ESR1: variants seen among roughly 807,000 people sequenced by gnomAD.
The protein encoded by ESR1 is estrogen receptor 1.
ESR1 carries 12 observed loss-of-function variants against 52.7 expected under a neutral mutation model. That is an observed-to-expected ratio of 0.23 (90% confidence interval 0.15 to 0.37). ESR1 has a LOEUF of 0.37. Ranked by LOEUF, ESR1 falls within the 10% of genes least tolerant of loss-of-function variation. The pLI is 1.00. For synonymous variants in ESR1, 305 were observed against 316.8 expected (o/e 0.96, Z 0.39); for missense variants, 584 against 779.7 (o/e 0.75, Z 2.99).
upstream of ESR1, chr6:151,805,911 A>C (rs1290905861): frequency 2.0e-5 from 3 of 152,168 alleles, no homozygotes; most frequent in Admixed American, 6.5e-5. Flanking sequence ...TAGCAGGGAG[A>C]TGAGGATTGC....
chr6:151,865,705 A>G (rs2128297247), intron 2 of ESR1, among the ~76,000 whole-genome samples: 1 of 152,324 alleles, frequency 6.6e-6, no homozygotes, highest in Non-Finnish European at 1.5e-5. Flanking sequence ...AACAACAGAT[A>G]CATCTCTTTC....
At chr6:151,893,900 C>A (rs1795068191) in intron 3 of ESR1, among the ~76,000 whole-genome samples, 1 of 152,120 alleles carries the variant, frequency 6.6e-6, no homozygotes, top group Non-Finnish European at 1.5e-5. Flanking sequence ...TAATTTTGAA[C>A]CTATCCTGGT....
chr6:151,788,935 G>C (rs531567001), intron 2 of ESR1, among the ~76,000 whole-genome samples: 1 of 152,254 alleles, frequency 6.6e-6, no homozygotes, highest in African/African-American at 2.4e-5. Flanking sequence ...AGGAATAACA[G>C]ACACTGGGGC....
chr6:151,865,844 C>T (rs112242266), intron 2 of ESR1, among the ~76,000 whole-genome samples: 30 of 152,258 alleles, frequency 2.0e-4, no homozygotes, highest in African/African-American at 5.5e-4. Context: ...TAGATTTTTC[C>T]GGGCTCTCTT....
chr6:151,763,165 C>T (rs946410056), intron 2 of ESR1, among the ~76,000 whole-genome samples: 4 of 151,852 alleles, frequency 2.6e-5, no homozygotes, highest in African/African-American at 9.7e-5. Context: ...CTAGAAAACA[C>T]ACCTATGTAA....
intron 1 of ESR1, among the ~76,000 whole-genome samples, chr6:151,841,609 C>G (rs1376988489): frequency 6.7e-6 from 1 of 149,956 alleles, no homozygotes; most frequent in African/African-American, 2.5e-5. Context: ...TTTTTTTTAG[C>G]TTTCTACTTT....
intron 2 of ESR1, among the ~76,000 whole-genome samples, chr6:151,854,484 C>G (rs1379859800): frequency 6.6e-6 from 1 of 152,052 alleles, no homozygotes; most frequent in Admixed American, 6.5e-5. Flanking sequence ...ATGAAGGAAC[C>G]AAAGACAAAA....
At chr6:151,891,819 C>CAA (rs1381354311) in intron 3 of ESR1, among the ~76,000 whole-genome samples, 1 of 152,090 alleles carries the variant, frequency 6.6e-6, no homozygotes, top group Non-Finnish European at 1.5e-5. Flanking sequence ...TCCTCTTCAA[C>CAA]AAAAACATCA....
intron 2 of ESR1, among the ~76,000 whole-genome samples, chr6:151,870,972 C>T (rs1760621155): frequency 6.6e-6 from 1 of 152,020 alleles, no homozygotes. Flanking sequence ...CCACCTCAGC[C>T]TCCTGAGTAA....
intron 1 of ESR1, among the ~76,000 whole-genome samples, chr6:151,833,958 C>T (rs1782855184): frequency 6.6e-6 from 1 of 152,164 alleles, no homozygotes; most frequent in Non-Finnish European, 1.5e-5. Flanking sequence ...ATCTCATCAT[C>T]ACTGGCCATT....
At chr6:151,821,570 C>A (rs1178945953) in intron 1 of ESR1, among the ~76,000 whole-genome samples, 1 of 152,182 alleles carries the variant, frequency 6.6e-6, no homozygotes, top group Non-Finnish European at 1.5e-5. Context: ...CCTTGCCAGA[C>A]TTCCCTGGAG....
chr6:151,683,457 T>TAAAAA (rs1778532557), intron 1 of ESR1, among the ~76,000 whole-genome samples: 1 of 134,596 alleles, frequency 7.4e-6, no homozygotes, highest in Non-Finnish European at 1.6e-5. Flanking sequence ...ATTCATTTGA[T>TAAAAA]CAAAAAAAAA....
chr6:152,045,842 G>A (rs1339715539), intron 5 of ESR1, among the ~76,000 whole-genome samples: 2 of 152,176 alleles, frequency 1.3e-5, no homozygotes, highest in African/African-American at 4.8e-5. Context: ...TAAAGAAAAA[G>A]AGTGAACACT....
At chr6:151,674,147 C>A (rs1370046631) in intron 1 of ESR1, among the ~76,000 whole-genome samples, 1 of 152,128 alleles carries the variant, frequency 6.6e-6, no homozygotes, top group African/African-American at 2.4e-5. Flanking sequence ...GCCTTGCATG[C>A]ATTAGGTATT....
intron 4 of ESR1, among the ~76,000 whole-genome samples, chr6:152,007,698 T>A (rs1238325927): frequency 6.6e-6 from 1 of 152,116 alleles, no homozygotes; most frequent in African/African-American, 2.4e-5. Context: ...ATTCTGTCCC[T>A]CCTGTGTGAA....
chr6:151,750,504 G>A (rs2128076712), intron 2 of ESR1, among the ~76,000 whole-genome samples: 1 of 152,172 alleles, frequency 6.6e-6, no homozygotes, highest in Non-Finnish European at 1.5e-5. Context: ...TAATTCTTTA[G>A]GAATTTTAAA....
chr6:151,665,144 T>C (rs573099422), intron 1 of ESR1, among the ~76,000 whole-genome samples: 3 of 152,306 alleles, frequency 2.0e-5, no homozygotes, highest in African/African-American at 7.2e-5. Context: ...TTAGGATTGG[T>C]AGAATTAATA....
chr6:151,675,106 C>T (rs1778207050), intron 1 of ESR1, among the ~76,000 whole-genome samples: 1 of 152,166 alleles, frequency 6.6e-6, no homozygotes. Flanking sequence ...GAGAGAATGG[C>T]ACTTGTACTA....
At chr6:152,108,034 A>C (rs910648367), downstream of ESR1, among the ~76,000 whole-genome samples, 11 of 151,954 alleles carry the variant, frequency 7.2e-5, no homozygotes, top group Non-Finnish European at 1.6e-4. Context: ...GCTGTTTTCA[A>C]CTCTGACTCA....
Sources: gnomAD v4.1 joint callset for allele counts (sites outside exome capture counted in the v4.1 genomes callset) on GRCh38, gnomAD v4.1.1 for gene constraint, MANE v1.5 for transcripts, NCBI Gene and HGNC (gene_info 2026-07-23, HGNC 2026-07-21) for gene names.